The following UPP2 variants were observed in gnomAD, a reference collection of about 807,000 sequenced individuals.
UPP2 encodes UPase 2.
In UPP2, 23 loss-of-function variants were observed where a neutral mutation model predicts 26.7. That is an observed-to-expected ratio of 0.86 (90% CI 0.62 to 1.22). UPP2 has a LOEUF of 1.22. Ranked by LOEUF, UPP2 falls within the 50% of genes most tolerant of loss-of-function variation. UPP2 has a pLI of 0.00. For missense variants in UPP2, 387 were observed against 396.7 expected (o/e 0.98, Z 0.21); for synonymous variants, 127 against 141.3 (o/e 0.90, Z 0.72).
chr2:158,039,139 T>C (rs1684048375), intron 3 of UPP2, among the ~76,000 whole-genome samples: 1 of 152,202 alleles, frequency 6.6e-6, no homozygotes, highest in Non-Finnish European at 1.5e-5. Context: ...CCATAGTTGC[T>C]CTGTGGGTTT....
At chr2:158,061,398 T>C (rs1682349474) in intron 3 of UPP2, among the ~76,000 whole-genome samples, 1 of 152,204 alleles carries the variant, frequency 6.6e-6, no homozygotes, top group Non-Finnish European at 1.5e-5. Context: ...TTAGCCCAAA[T>C]TAGTGCTCCT....
intron 3 of UPP2, among the ~76,000 whole-genome samples, chr2:158,016,099 T>G (rs1200048584): frequency 6.6e-6 from 1 of 151,674 alleles, no homozygotes; most frequent in East Asian, 1.9e-4. Flanking sequence ...GGCTCCAGTT[T>G]CTCCACATCC....
At chr2:158,066,532 A>T (rs980040709) in intron 3 of UPP2, among the ~76,000 whole-genome samples, 1 of 152,132 alleles carries the variant, frequency 6.6e-6, no homozygotes, top group African/African-American at 2.4e-5. Flanking sequence ...CATTTCAAAC[A>T]TTGAAAGTAG....
intron 3 of UPP2, among the ~76,000 whole-genome samples, chr2:158,050,372 T>G (rs1331543720): frequency 6.6e-6 from 1 of 151,434 alleles, no homozygotes; most frequent in Non-Finnish European, 1.5e-5. Flanking sequence ...TCCAATGTAT[T>G]TACATGGATT....
intron 2 of UPP2, among the ~76,000 whole-genome samples, chr2:158,113,244 C>G (rs1683356654): frequency 6.6e-6 from 1 of 152,138 alleles, no homozygotes; most frequent in African/African-American, 2.4e-5. Context: ...GTTTTATGGT[C>G]AATCTGAATA....
chr2:158,048,885 A>G (rs1682101164), intron 3 of UPP2, among the ~76,000 whole-genome samples: 1 of 152,262 alleles, frequency 6.6e-6, no homozygotes, highest in South Asian at 2.1e-4. Context: ...CTCTGGCCCA[A>G]TTTCTACCCC....
At chr2:158,019,088 C>T (rs981772317) in intron 3 of UPP2, among the ~76,000 whole-genome samples, 1 of 152,144 alleles carries the variant, frequency 6.6e-6, no homozygotes, top group African/African-American at 2.4e-5. Context: ...AGCAAGAATG[C>T]TATATGTGTC....
intron 3 of UPP2, among the ~76,000 whole-genome samples, chr2:158,085,358 G>A (rs1298140946): frequency 6.6e-6 from 1 of 152,090 alleles, no homozygotes; most frequent in Non-Finnish European, 1.5e-5. Flanking sequence ...TTTGTATCCT[G>A]AAACTTTGCT....
At chr2:158,124,488 G>T (rs928110817) in intron 6 of UPP2, among the ~76,000 whole-genome samples, 15 of 152,220 alleles carry the variant, frequency 9.9e-5, no homozygotes, top group African/African-American at 3.6e-4. Context: ...TGGGTGAAAT[G>T]AGAAGCCACT....
chr2:158,081,516 C>T (rs993373483), intron 3 of UPP2, among the ~76,000 whole-genome samples: 1 of 152,130 alleles, frequency 6.6e-6, no homozygotes, highest in Non-Finnish European at 1.5e-5. Context: ...TAGCTGCACT[C>T]CCATGTTTAT....
rs567031328 is a variant in UPP2 at position 158,094,078 on chromosome 2, G to A, written c.148-7962G>A. On this transcript the variant is annotated intron_variant, in intron 3 of 9. Transcript: ENST00000605860. ...ACACACACGCACACACCTTAAACCT[G>A]CTCATGTAGTTATTAAGTACATACT... 6.0e-5 allele frequency among the ~76,000 whole-genome samples: 9 copies of A among 151,188 alleles called. No individual in the cohort carries two copies. In the East Asian group the frequency reaches 1.7e-3, roughly 29 times the overall value.
Position 158,117,772 on chromosome 2 carries a change from G to T in UPP2, c.340-52G>T, listed in dbSNP as rs1683471914. The T allele has an allele frequency of 3.7e-6, 5 of 1,338,402 alleles. No individual in the cohort carries two copies. The South Asian group carries it at 5.9e-5, about 16-fold the overall frequency. The allele number at this position is 1,338,402 out of a possible 1,614,324, so 82.9% of individuals were successfully genotyped here. ...GTAATGATGGAAGAAATTATGTCCT[G>T]TTCATGTATCACTTTGCAAGATGTA... is the stretch of plus-strand genomic sequence containing the variant. On this transcript the variant is annotated intron_variant, in intron 3 of 6. Transcript: ENST00000005756.
intron 3 of UPP2, among the ~76,000 whole-genome samples, chr2:158,050,199 G>C (rs1195578137): frequency 1.3e-5 from 2 of 152,204 alleles, no homozygotes. Flanking sequence ...TTTATGAACT[G>C]AGGTTTTCCA....
intron 3 of UPP2, among the ~76,000 whole-genome samples, chr2:158,094,335 T>TA (rs142009968): frequency 0.027 from 4,063 of 152,248 alleles, 181 homozygotes; most frequent in African/African-American, 0.09. Flanking sequence ...CCTTTATGTT[T>TA]AAATGTTTTA....
At chr2:158,050,818 C>G (rs886093486) in intron 3 of UPP2, among the ~76,000 whole-genome samples, 3 of 152,150 alleles carry the variant, frequency 2.0e-5, no homozygotes, top group Admixed American at 2.0e-4. Flanking sequence ...TATTGAAATG[C>G]ACTGAGGTAG....
chr2:158,060,782 C>G (rs1287867557), intron 3 of UPP2, among the ~76,000 whole-genome samples: 1 of 152,186 alleles, frequency 6.6e-6, no homozygotes, highest in Non-Finnish European at 1.5e-5. Context: ...CTCACTCTCT[C>G]CCTGCCATGT....
intron 3 of UPP2, among the ~76,000 whole-genome samples, chr2:158,078,169 T>C (rs573743461): frequency 6.6e-6 from 1 of 152,238 alleles, no homozygotes; most frequent in South Asian, 2.1e-4. Context: ...AGGAAACCCT[T>C]GTACACTGTT....
chr2:158,093,801 T>G (rs2105204421), intron 3 of UPP2, among the ~76,000 whole-genome samples: 1 of 152,092 alleles, frequency 6.6e-6, no homozygotes, highest in East Asian at 1.9e-4. Flanking sequence ...GGTAGGGCAA[T>G]GTAATACTAT....
At chr2:158,075,103 A>G (rs1426793409) in intron 3 of UPP2, among the ~76,000 whole-genome samples, 2 of 152,102 alleles carry the variant, frequency 1.3e-5, no homozygotes, top group African/African-American at 4.8e-5. Context: ...TGCACCCAAA[A>G]TTGAAGTACC....
Sources: allele counts gnomAD v4.1 joint callset (sites outside exome capture counted in the v4.1 genomes callset), GRCh38; gene constraint gnomAD v4.1.1; transcripts MANE v1.5; gene names NCBI Gene and HGNC (gene_info 2026-07-23, HGNC 2026-07-21).